The following BICD1 variants were observed in gnomAD, a reference collection of about 807,000 sequenced individuals.
The protein encoded by BICD1 is BICD cargo adaptor 1.
A neutral mutation model predicts 92.5 loss-of-function variants in BICD1; 35 were observed. The ratio of observed to expected loss-of-function variants is 0.38; its 90% CI spans 0.29 to 0.50. The LOEUF is 0.50. Among genes scored for constraint, BICD1 ranks in the 20% least tolerant of loss-of-function variants. BICD1 has a pLI of 0.93. For synonymous variants in BICD1, 429 were observed against 465.1 expected (o/e 0.92, Z 1.00); for missense variants, 950 against 1,189.8 (o/e 0.80, Z 2.97).
At chr12:32,233,322 T>TTAAAAAA (rs35803631) in intron 2 of BICD1, among the ~76,000 whole-genome samples, 4,885 of 126,912 alleles carry the variant, frequency 0.038, 185 homozygotes, top group South Asian at 0.083. Flanking sequence ...AGTCTGTCTT[T>TTAAAAAA]AAAAAAAAAA....
At chr12:32,163,650 T>C (rs1028678459) in intron 1 of BICD1, among the ~76,000 whole-genome samples, 6 of 152,150 alleles carry the variant, frequency 3.9e-5, no homozygotes, top group African/African-American at 1.4e-4. Flanking sequence ...ATATGAAATA[T>C]AAAAATATAA....
At chr12:32,184,121 A>AT (rs1264296587) in intron 1 of BICD1, among the ~76,000 whole-genome samples, 1 of 152,138 alleles carries the variant, frequency 6.6e-6, no homozygotes, top group Non-Finnish European at 1.5e-5. Context: ...AAGGCTGAGA[A>AT]TTTAGGGCAC....
At chr12:32,276,677 GA>G (rs35116125) in intron 2 of BICD1, among the ~76,000 whole-genome samples, 77,636 of 150,102 alleles carry the variant, frequency 0.52, 20,390 homozygotes, top group South Asian at 0.65. Flanking sequence ...CTGCAAAAAA[GA>G]AAAAAAAAAG....
intron 2 of BICD1, among the ~76,000 whole-genome samples, chr12:32,292,061 C>T (rs1394166032): frequency 2.6e-5 from 4 of 152,106 alleles, no homozygotes; most frequent in East Asian, 1.9e-4. Context: ...TTAGGGCTGC[C>T]GTAACAAAGT....
At chr12:32,249,851 T>C (rs1946482773) in intron 2 of BICD1, among the ~76,000 whole-genome samples, 1 of 151,848 alleles carries the variant, frequency 6.6e-6, no homozygotes, top group South Asian at 2.1e-4. Flanking sequence ...ATGACTTTGG[T>C]TCCCAGGAAT....
At chr12:32,184,444 G>C (rs545981583) in intron 1 of BICD1, among the ~76,000 whole-genome samples, 137 of 152,090 alleles carry the variant, frequency 9.0e-4, no homozygotes, top group Non-Finnish European at 1.6e-3. Flanking sequence ...ATGCCACCAC[G>C]CCCAGCTAAT....
At chr12:32,366,278 G>A (rs1244455253) in intron 8 of BICD1, among the ~76,000 whole-genome samples, 1 of 152,204 alleles carries the variant, frequency 6.6e-6, no homozygotes, top group Non-Finnish European at 1.5e-5. Context: ...CCTCGTTAAG[G>A]CTATAAATCC....
chr12:32,312,028 G>C (rs1948395300), intron 4 of BICD1, among the ~76,000 whole-genome samples: 1 of 152,098 alleles, frequency 6.6e-6, no homozygotes, highest in African/African-American at 2.4e-5. Flanking sequence ...AGACCCCTTA[G>C]ATAGGAATTT....
intron 3 of BICD1, 102 bp from the exon 4 acceptor site, chr12:32,305,595 G>C (rs959880558): frequency 1.0e-6 from 1 of 1,003,424 alleles, no homozygotes; most frequent in Non-Finnish European, 1.4e-6. Flanking sequence ...TTAGACTCAT[G>C]TTGTATTTTG....
intron 2 of BICD1, among the ~76,000 whole-genome samples, chr12:32,281,064 T>C (rs1414690728): frequency 8.2e-6 from 1 of 122,164 alleles, no homozygotes; most frequent in Non-Finnish European, 1.9e-5. Flanking sequence ...TTTCCCAAAC[T>C]TTTTTTTAGT....
chr12:32,212,159 C>A (rs140778791), intron 1 of BICD1, among the ~76,000 whole-genome samples: 1 of 152,126 alleles, frequency 6.6e-6, no homozygotes. Context: ...GATTTTGATC[C>A]GTGTCAAGAT....
chr12:32,328,078 C>A lies in BICD1; in HGVS notation c.1623C>A (p.Ser541Arg). 6.2e-7 allele frequency: 1 copy of A among 1,614,152 alleles called. No individual in the cohort carries two copies. ...TCATGCTGGATTACTATAGGCAGAG[C>A]AGAGTCACCCGCAGTGGCAGCCTGA... ...NRVMLDYYRQ[S>R]RVTRSGSLKG... is the part of the protein sequence containing the mutation. Residue 541 changes from serine (S) to arginine (R), a missense_variant, in exon 5 of 10, where the codon AGC (serine) becomes AGA (arginine). By Grantham distance (110) the Ser-to-Arg change is moderately radical. Transcript: ENST00000652176. This position sits in a 1 kb window ranked among gnomAD's most constrained non-coding sequence, Gnocchi z 4.4.
rs566829819 is a variant in BICD1, at chr12:32,264,635, G to T, written c.427-29359G>T. On this transcript the variant is annotated intron_variant, in intron 2 of 9. Transcript: ENST00000652176. ...CCCAAGTAGCTGGGACTACAGGCAC[G>T]TGCCACCACACCCTCCTAATTTTTG... 5.2e-4 allele frequency among the ~76,000 whole-genome samples: 79 copies of T among 152,070 alleles called. 1 individual carries two copies. Among genetic ancestry groups the T allele is most frequent in the Non-Finnish European group, 4.9e-4 (33 of 67,982 alleles).
chr12:32,362,431 G>A (rs1939366111), intron 8 of BICD1, among the ~76,000 whole-genome samples: 1 of 152,186 alleles, frequency 6.6e-6, no homozygotes, highest in Non-Finnish European at 1.5e-5. Flanking sequence ...AGAAGCCCGA[G>A]AGAAAGCCAC....
rs535451815 is a variant in BICD1, at chr12:32,128,619, AC to A, written c.213+21077del. On this transcript the variant is annotated intron_variant, in intron 1 of 9. Coordinates refer to ENST00000652176, the MANE Select transcript of BICD1 (RefSeq NM_001714.4). ...TAATTGTTCCTTTTCTTAAAAAAAA[AC>A]CAGCGTAATTTGTGCTTAGTTTTAA... Among the ~76,000 whole-genome samples, 720 of 146,462 alleles carry A rather than the reference AC, an allele frequency of 4.9e-3. 3 individuals are homozygous for A. Among genetic ancestry groups the A allele is most frequent in the African/African-American group, 0.017 (675 of 40,078 alleles).
At position 32,305,943 on chromosome 12, in the gene BICD1, G is replaced by A; in HGVS notation, c.826G>A (p.Gly276Arg). The A allele has an allele frequency of 6.2e-7, 1 of 1,614,204 alleles. No homozygotes were observed. Among genetic ancestry groups the A allele is most frequent in the African/African-American group, 1.3e-5 (1 of 75,052 alleles). The change falls in exon 4 of 10, where the codon GGG becomes AGG. Residue 276 changes from glycine to arginine, a missense_variant. Gly to Arg is a moderately radical substitution (Grantham distance 125). Coordinates refer to ENST00000652176, the MANE Select transcript of BICD1 (RefSeq NM_001714.4). Reference sequence around the variant, plus strand: ...AGATGGACTCAAATTTGCCGAGGATGGGAGTGAACCAAACAATGATGACAA... The same window carrying A: ...AGATGGACTCAAATTTGCCGAGGATAGGAGTGAACCAAACAATGATGACAA... ...SVDGLKFAED[G>R]SEPNNDDKMN...
rs978283291 is a variant in BICD1, at chr12:32,382,747, G to A, written c.*5120G>A. 4.0e-5 allele frequency: 6 copies of A among 151,528 alleles called. No individual in the cohort carries two copies. The highest frequency in any genetic ancestry group is 1.5e-4 in the African/African-American group (6 of 41,320). The allele number at this position is 151,528 out of a possible 1,614,324, so 9.4% of individuals were successfully genotyped here. ...GAAAACACCGAGAAGTAAATCTGGT[G>A]CTTCTTAGTGTAAATATGTTTTTCT... On this transcript the variant is annotated 3_prime_UTR_variant, in exon 10 of 10. Transcript: ENST00000652176.
chr12:32,367,191 T>G (rs1225174345), intron 8 of BICD1, among the ~76,000 whole-genome samples: 2 of 152,198 alleles, frequency 1.3e-5, no homozygotes, highest in African/African-American at 4.8e-5. Flanking sequence ...TAGAAAAGAT[T>G]ATATTGCACA....
chr12:32,107,778 G>T, intron 1 of BICD1: 1 of 704,598 alleles, frequency 1.4e-6, no homozygotes, highest in South Asian at 1.5e-5. Context: ...TGTTTGGCCT[G>T]CGGGGGAGGG....
Sources: allele counts gnomAD v4.1 joint callset (sites outside exome capture counted in the v4.1 genomes callset), GRCh38; gene constraint gnomAD v4.1.1; non-coding constraint Gnocchi (gnomAD v3.1); transcripts MANE v1.5; gene names NCBI Gene and HGNC (gene_info 2026-07-23, HGNC 2026-07-21).